Variants in OR51B5 observed in about 807,000 individuals in gnomAD.
The protein encoded by OR51B5 is olfactory receptor 51B5.
For missense variants in OR51B5, 456 were observed against 374.6 expected (o/e 1.22, Z -1.79); for synonymous variants, 186 against 144.8 (o/e 1.28, Z -2.04).
At chr11:5,418,723 T>C (rs977814441) in intron 1 of OR51B5, among the ~76,000 whole-genome samples, 2 of 144,868 alleles carry the variant, frequency 1.4e-5, no homozygotes, top group Non-Finnish European at 3.0e-5. Context: ...CACCCGAGCC[T>C]ATCGGGGGAT....
intron 1 of OR51B5, among the ~76,000 whole-genome samples, chr11:5,413,152 T>C (rs1412294798): frequency 6.6e-6 from 1 of 152,182 alleles, no homozygotes; most frequent in East Asian, 1.9e-4. Context: ...CTGCAGACAC[T>C]GCTGCTGATA....
At chr11:5,366,222 A>C (rs544158624) in intron 1 of OR51B5, among the ~76,000 whole-genome samples, 2 of 152,288 alleles carry the variant, frequency 1.3e-5, no homozygotes, top group Admixed American at 1.3e-4. Flanking sequence ...GAAAATCAGT[A>C]GGAAAGTATA....
chr11:5,413,297 A>T lies in OR51B5; in HGVS notation n.85-66387T>A, dbSNP rs1589982440. 2.0e-5 allele frequency among the ~76,000 whole-genome samples: 3 copies of T among 152,222 alleles called. No homozygotes were observed. The East Asian group carries it at 5.8e-4, about 30-fold the overall frequency. Reference sequence around the variant, plus strand: ...AAAAACCCATCTGTACATCACCATCATCAAAGACCAAAAGTAGATAAAACC... The same window carrying T: ...AAAAACCCATCTGTACATCACCATCTTCAAAGACCAAAAGTAGATAAAACC... On this transcript the variant is annotated intron_variant and non_coding_transcript_variant, in intron 1 of 4. Transcript: ENST00000415970.
chr11:5,413,346 C>A (rs1222178916), intron 1 of OR51B5, among the ~76,000 whole-genome samples: 1 of 152,078 alleles, frequency 6.6e-6, no homozygotes, highest in Non-Finnish European at 1.5e-5. Flanking sequence ...AAAAACAGAG[C>A]AGAAAAACTG....
intron 1 of OR51B5, chr11:5,355,369 G>A (rs749202707): frequency 1.3e-5 from 2 of 156,842 alleles, no homozygotes; most frequent in South Asian, 1.9e-4. Flanking sequence ...CAAACAGTAT[G>A]AAGTGATGAT....
intron 1 of OR51B5, chr11:5,422,690 T>G (rs977444966): frequency 6.2e-7 from 1 of 1,613,974 alleles, no homozygotes; most frequent in African/African-American, 1.3e-5. Flanking sequence ...CTCCCTTTTC[T>G]TACTCAAGCG....
At chr11:5,487,988 G>A (rs453163) in intron 1 of OR51B5, among the ~76,000 whole-genome samples, 146,302 of 152,276 alleles carry the variant, frequency 0.96, 70,317 homozygotes, top group South Asian at 0.99. Context: ...GTGATTTGGT[G>A]TATATTTGGC....
rs7105725 is a variant in OR51B5, at chr11:5,467,207, T to C, written n.84+38362A>G. Among the ~76,000 whole-genome samples, 732 of 152,236 alleles carry C rather than the reference T, an allele frequency of 4.8e-3. 4 individuals are homozygous for C. Among genetic ancestry groups the C allele is most frequent in the African/African-American group, 0.016 (679 of 41,544 alleles). On this transcript the variant is annotated intron_variant and non_coding_transcript_variant, in intron 1 of 4. Coordinates refer to the OR51B5 transcript ENST00000415970. ...TTGCTTAGTATACAGTCCTCTCCAATTGGGGGCAAGATTTTTCTGTCATGT... is the reference window on the plus strand; with the variant it reads ...TTGCTTAGTATACAGTCCTCTCCAACTGGGGGCAAGATTTTTCTGTCATGT...
chr11:5,447,089 A>G (rs1405232995), intron 1 of OR51B5, among the ~76,000 whole-genome samples: 4 of 152,210 alleles, frequency 2.6e-5, no homozygotes, highest in African/African-American at 9.6e-5. Flanking sequence ...CATGAAAATG[A>G]AAGCCCCTAG....
At chr11:5,355,366 T>A (rs1278122546) in intron 1 of OR51B5, 6 of 156,970 alleles carry the variant, frequency 3.8e-5, no homozygotes, top group African/African-American at 9.6e-5. Flanking sequence ...GTACAAACAG[T>A]ATGAAGTGAT....
chr11:5,477,809 TA>T (rs1298651272), intron 1 of OR51B5, among the ~76,000 whole-genome samples: 9 of 152,094 alleles, frequency 5.9e-5, no homozygotes. Flanking sequence ...CGGACTGGCT[TA>T]AAAAACGGCG....
At chr11:5,498,669 T>C (rs1186265149) in intron 1 of OR51B5, among the ~76,000 whole-genome samples, 2 of 152,160 alleles carry the variant, frequency 1.3e-5, no homozygotes, top group African/African-American at 4.8e-5. Flanking sequence ...TTACAGACAT[T>C]ACTAATTGTA....
chr11:5,473,892 T>A (rs933690060), intron 1 of OR51B5, among the ~76,000 whole-genome samples: 1 of 151,648 alleles, frequency 6.6e-6, no homozygotes, highest in Non-Finnish European at 1.5e-5. Flanking sequence ...AATGTGTGCA[T>A]GAGAATGGGG....
intron 1 of OR51B5, among the ~76,000 whole-genome samples, chr11:5,448,266 G>C (rs1487082034): frequency 6.6e-6 from 1 of 152,142 alleles, no homozygotes. Context: ...GTTAGATTGT[G>C]ACTGATCCAT....
intron 1 of OR51B5, among the ~76,000 whole-genome samples, chr11:5,351,250 T>A (rs570513018): frequency 6.6e-6 from 1 of 152,328 alleles, no homozygotes; most frequent in South Asian, 2.1e-4. Context: ...ATGTTTATTC[T>A]GCATGAATAG....
chr11:5,429,627 A>G (rs932150255), intron 1 of OR51B5, among the ~76,000 whole-genome samples: 1 of 152,168 alleles, frequency 6.6e-6, no homozygotes, highest in Admixed American at 6.5e-5. Flanking sequence ...AAACATGGGC[A>G]GATGCAGAGG....
chr11:5,382,769 C>T (rs1212081610), intron 1 of OR51B5, among the ~76,000 whole-genome samples: 1 of 152,164 alleles, frequency 6.6e-6, no homozygotes, highest in Non-Finnish European at 1.5e-5. Flanking sequence ...CTGGCCCTAA[C>T]AACCAGTTAC....
intron 1 of OR51B5, among the ~76,000 whole-genome samples, chr11:5,467,743 C>G (rs572532427): frequency 3.9e-5 from 6 of 152,198 alleles, no homozygotes; most frequent in African/African-American, 1.2e-4. Context: ...CTGCAGGACA[C>G]GAGCCCATAT....
chr11:5,379,314 G>C (rs2133716203), intron 1 of OR51B5, among the ~76,000 whole-genome samples: 1 of 152,150 alleles, frequency 6.6e-6, no homozygotes, highest in East Asian at 1.9e-4. Context: ...ACTGTTGTGG[G>C]GTGGGGGTGC....
Sources: allele counts gnomAD v4.1 joint callset (sites outside exome capture counted in the v4.1 genomes callset), GRCh38; gene constraint gnomAD v4.1.1; transcripts MANE v1.5; gene names NCBI Gene and HGNC (gene_info 2026-07-23, HGNC 2026-07-21).